DOCK1: variants seen among roughly 807,000 people sequenced by gnomAD.
The protein encoded by DOCK1 is dedicator of cytokinesis protein 1.
DOCK1 carries 138 observed loss-of-function variants against 262.7 expected under a neutral mutation model. The ratio of observed to expected loss-of-function variants is 0.53; its 90% CI spans 0.46 to 0.61. DOCK1 has a LOEUF of 0.61. Ranked by LOEUF, DOCK1 falls within the 20% of genes least tolerant of loss-of-function variation. DOCK1 has a pLI of 0.00. For missense variants in DOCK1, 1,908 were observed against 2,370.7 expected (o/e 0.80, Z 4.05); for synonymous variants, 866 against 867.4 (o/e 1.00, Z 0.03).
At position 126,958,997 on chromosome 10, in the gene DOCK1, A is replaced by G. The variant is rs1163510340; in HGVS notation, c.47-11705A>G. Among the ~76,000 whole-genome samples, 12 of 152,312 alleles carry G rather than the reference A, an allele frequency of 7.9e-5. No individual in the cohort carries two copies. The East Asian group carries it at 2.1e-3, about 27-fold the overall frequency. ...GAGACATCAATCAAATACATGAAGA[A>G]ATACATTGGTTTGGTCCAGAAAGGC... On this transcript the variant is annotated intron_variant, in intron 1 of 51. Transcript: ENST00000623213.
At chr10:127,245,021 G>T (rs997353184) in intron 27 of DOCK1, among the ~76,000 whole-genome samples, 1 of 152,150 alleles carries the variant, frequency 6.6e-6, no homozygotes, top group Non-Finnish European at 1.5e-5. Flanking sequence ...CCTAATAAAT[G>T]ACTGGTTTCA....
intron 32 of DOCK1, among the ~76,000 whole-genome samples, chr10:127,356,468 AG>A (rs1312014162): frequency 6.6e-6 from 1 of 152,192 alleles, no homozygotes; most frequent in Non-Finnish European, 1.5e-5. Context: ...TAGAACAGGG[AG>A]GAGGACCATC....
At chr10:127,262,199 C>A (rs1278088895) in intron 29 of DOCK1, among the ~76,000 whole-genome samples, 3 of 86,846 alleles carry the variant, frequency 3.5e-5, no homozygotes, top group Non-Finnish European at 6.8e-5. Context: ...TACCCGTGCT[C>A]ATCTGTGTGT....
intron 21 of DOCK1, among the ~76,000 whole-genome samples, chr10:127,046,717 CAG>C (rs959533001): frequency 1.7e-4 from 21 of 125,544 alleles, no homozygotes; most frequent in African/African-American, 6.2e-4. Flanking sequence ...GCAGAGATCA[CAG>C]CACTGCACTC....
chr10:126,919,770 G>T (rs1015619201), intron 1 of DOCK1, among the ~76,000 whole-genome samples: 1 of 152,200 alleles, frequency 6.6e-6, no homozygotes, highest in East Asian at 1.9e-4. Flanking sequence ...GTGGCTCCGT[G>T]TCCCCTGCTA....
chr10:127,215,278 G>T (rs1431855933), intron 27 of DOCK1, among the ~76,000 whole-genome samples: 1 of 152,080 alleles, frequency 6.6e-6, no homozygotes, highest in African/African-American at 2.4e-5. Flanking sequence ...TTCCTGCCCT[G>T]CCCTGTCTTC....
intron 44 of DOCK1, among the ~76,000 whole-genome samples, chr10:127,416,658 T>C (rs1175283749): frequency 1.3e-5 from 2 of 152,192 alleles, no homozygotes; most frequent in African/African-American, 4.8e-5. Flanking sequence ...CCCCGTGGGA[T>C]ATCTGTGGGA....
chr10:126,973,710 G>A (rs186262612), intron 2 of DOCK1, among the ~76,000 whole-genome samples: 1 of 152,260 alleles, frequency 6.6e-6, no homozygotes, highest in East Asian at 1.9e-4. Flanking sequence ...GGAGTGTGGT[G>A]ACTTTTTGTC....
chr10:126,982,380 A>G lies in DOCK1; in HGVS notation c.227+407A>G, dbSNP rs545046272. ...GTTTAGGGTGAAGCAACAGTTGTTA[A>G]ATTGGGACATGCAGGAGTTTACATT... On this transcript the variant is annotated intron_variant, in intron 4 of 51. Transcript: ENST00000623213. Among the ~76,000 whole-genome samples the G allele has an allele frequency of 3.3e-5, 5 of 152,276 alleles. No individual in the cohort carries two copies. In the East Asian group the frequency reaches 9.6e-4, roughly 29 times the overall value.
chr10:127,182,012 AG>A (rs2055783015), intron 27 of DOCK1, among the ~76,000 whole-genome samples: 1 of 152,170 alleles, frequency 6.6e-6, no homozygotes, highest in African/African-American at 2.4e-5. Context: ...AGGACCAAAA[AG>A]GGGTGACTGG....
At chr10:127,260,155 G>A (rs911715793) in intron 29 of DOCK1, among the ~76,000 whole-genome samples, 3 of 152,316 alleles carry the variant, frequency 2.0e-5, no homozygotes, top group East Asian at 1.9e-4. Context: ...AGGGTATGGC[G>A]CCTGACAGAG....
chr10:127,125,433 G>T (rs763161243), intron 25 of DOCK1, 41 bp from the exon 26 acceptor site: 2 of 1,607,458 alleles, frequency 1.2e-6, no homozygotes, highest in East Asian at 4.5e-5. Flanking sequence ...GTTGCGTCTT[G>T]GTGGGTTTCA....
chr10:127,015,284 G>A (rs533217396), intron 12 of DOCK1: 1 of 151,940 alleles, frequency 6.6e-6, no homozygotes, highest in Admixed American at 6.6e-5. Context: ...CTCTCCCTCT[G>A]GTCTTCGTCT....
intron 38 of DOCK1, among the ~76,000 whole-genome samples, chr10:127,397,494 CAACTCCTATGT>C (rs2066959725): frequency 8.6e-5 from 10 of 116,486 alleles, no homozygotes; most frequent in African/African-American, 1.2e-4. Context: ...ACACGGGCAG[CAACTCCTATGT>C]GATCTGAGCA....
chr10:127,129,848 G>A (rs1341198465), intron 27 of DOCK1, among the ~76,000 whole-genome samples: 1 of 152,112 alleles, frequency 6.6e-6, no homozygotes, highest in Non-Finnish European at 1.5e-5. Flanking sequence ...AGAAGTGGAG[G>A]CAGGTGGTCT....
chr10:127,299,791 A>G (rs2061622160), intron 29 of DOCK1, among the ~76,000 whole-genome samples: 3 of 152,164 alleles, frequency 2.0e-5, no homozygotes, highest in South Asian at 2.1e-4. Context: ...TAGCCAGGGT[A>G]TGATCAGCGA....
chr10:127,047,055 G>T (rs1050505492), intron 21 of DOCK1, among the ~76,000 whole-genome samples: 2 of 152,196 alleles, frequency 1.3e-5, no homozygotes, highest in East Asian at 3.9e-4. Flanking sequence ...ATTCTTCCTG[G>T]TGTCTTACTG....
intron 29 of DOCK1, among the ~76,000 whole-genome samples, chr10:127,280,033 T>TATATATATAA (rs1297666883): frequency 9.3e-6 from 1 of 107,296 alleles, no homozygotes; most frequent in Non-Finnish European, 2.1e-5. Context: ...TATATATATA[T>TATATATATAA]AATTTTTTTT....
chr10:127,035,115 G>A (rs2043505961), intron 18 of DOCK1, among the ~76,000 whole-genome samples: 1 of 152,222 alleles, frequency 6.6e-6, no homozygotes, highest in African/African-American at 2.4e-5. Context: ...TCTTGGGATT[G>A]TGGCATGTCA....
Sources: allele counts gnomAD v4.1 joint callset (sites outside exome capture counted in the v4.1 genomes callset), GRCh38; gene constraint gnomAD v4.1.1; transcripts MANE v1.5; gene names NCBI Gene and HGNC (gene_info 2026-07-23, HGNC 2026-07-21).